CFP: variants seen among roughly 807,000 people sequenced by gnomAD.
CFP encodes the protein complement factor properdin.
Under a neutral mutation model 42.1 loss-of-function variants are expected in CFP, and 14 were observed. The ratio of observed to expected loss-of-function variants is 0.33; its 90% CI spans 0.22 to 0.52. The LOEUF is 0.52. Among genes scored for constraint, CFP ranks in the 20% least tolerant of loss-of-function variants. CFP has a pLI of 0.96. For missense variants in CFP, 318 were observed against 400.4 expected (o/e 0.79, Z 1.76); for synonymous variants, 149 against 160.6 (o/e 0.93, Z 0.54).
At chrX:47,627,982 TCTC>T (rs2057976261) in intron 3 of CFP, 117 bp downstream of exon 3, 2 of 880,970 alleles carry the variant, frequency 2.3e-6, no homozygotes. Context: ...CTCCCACCAC[TCTC>T]CTCCTTAGGT....
In CFP at chrX:47,626,414, G is replaced by T; in HGVS notation, c.1046C>A (p.Thr349Asn). 2 of 1,211,445 alleles carry T rather than the reference G, an allele frequency of 1.7e-6. No individual in the cohort carries two copies. Among genetic ancestry groups the T allele is most frequent in the Non-Finnish European group, 2.2e-6 (2 of 895,397 alleles). ...EIPGQQSRGR[T>N]CRGRKFDGHR... is the part of the protein sequence containing the mutation. ...TCCGTCAAACTTGCGGCCCCTGCAG[G>T]TCCTCCCGCGTGACTGCTGGCCCGG... Residue 349 changes from threonine (T) to asparagine (N), a missense_variant, in exon 7 of 9, where the codon ACC becomes AAC. Coordinates refer to ENST00000396992, the MANE Select transcript of CFP (RefSeq NM_001145252.3).
At position 47,626,392 on chromosome X, in the gene CFP, G is replaced by C. The variant is rs775387328; in HGVS notation, c.1068C>G (p.Asp356Glu). ...RGRTCRGRKF[D>E]GHRCAGQQQD... The stretch of plus-strand genomic sequence containing the variant: ...GCTGTTGCCCGGCACATCGATGTCC[G>C]TCAAACTTGCGGCCCCTGCAGGTCC... Residue 356 changes from aspartate (D) to glutamate (E), a missense_variant, in exon 7 of 9, where the codon GAC becomes GAG. Asp to Glu is a conservative substitution (Grantham distance 45, BLOSUM62 2). Transcript: ENST00000396992. 4 of 1,209,815 alleles carry C rather than the reference G, an allele frequency of 3.3e-6. No individual in the cohort carries two copies. The East Asian group carries it at 1.2e-4, about 36-fold the overall frequency.
At chrX:47,624,539 C>CTTTTT in intron 8 of CFP, 99 bp from the exon 9 acceptor site, 7 of 307,625 alleles carry the variant, frequency 2.3e-5, no homozygotes, top group Admixed American at 7.3e-5. Flanking sequence ...CCGAGGGCTA[C>CTTTTT]TTTTTTTTTT....
chrX:47,630,262 C>T (rs1428825736), upstream of CFP: 3 of 186,277 alleles, frequency 1.6e-5, no homozygotes, highest in Non-Finnish European at 3.0e-5. Context: ...CGGGGTCAAC[C>T]TCGTGGGGGT....
rs370014336 is a variant in CFP at position 47,624,311 on chromosome X, C to G, written c.1374G>C (p.Val458=). The change falls in exon 9 of 9, where the codon GTG becomes GTC. Residue 458 remains valine, a synonymous_variant. Transcript: ENST00000396992. ...VVEEKRPCLH[V]PACKDPEEEE... ...CTTCCTCAGGGTCTTTGCAAGCAGGCACGTGTAGACATGGTCGTTTCTCCT... is the reference window on the plus strand; with the variant it reads ...CTTCCTCAGGGTCTTTGCAAGCAGGGACGTGTAGACATGGTCGTTTCTCCT... 1 of 1,210,639 alleles carries G rather than the reference C, an allele frequency of 8.3e-7. No individual in the cohort carries two copies. The highest frequency in any genetic ancestry group is 3.0e-5 in the East Asian group (1 of 33,777).
intron 6 of CFP, 25 bp from the exon 7 acceptor site, chrX:47,626,544 T>C: frequency 1.7e-6 from 2 of 1,204,756 alleles, no homozygotes; most frequent in Non-Finnish European, 2.2e-6. Context: ...CAACAGGGGA[T>C]TGGACCAAAG....
At chrX:47,629,498 A>AAC in intron 2 of CFP, 26 bp downstream of exon 2, 1 of 270,854 alleles carries the variant, frequency 3.7e-6, no homozygotes, top group Non-Finnish European at 6.3e-6. Context: ...CCTCCCCCCC[A>AAC]TCCCCCACCC....
Position 47,628,053 on chromosome X carries a change from C to A in CFP, c.403+49G>T, listed in dbSNP as rs1224258082. 4 of 1,192,204 alleles carry A rather than the reference C, an allele frequency of 3.4e-6. No homozygotes were observed. The South Asian group carries it at 7.1e-5, about 21-fold the overall frequency. ...GGACCTCTGTACCGATCGTTCCCACCAGTGCTGGGTGACAGGGAGTGCTTG... is the reference window on the plus strand; with the variant it reads ...GGACCTCTGTACCGATCGTTCCCACAAGTGCTGGGTGACAGGGAGTGCTTG... On this transcript the variant is annotated intron_variant, in intron 3 of 8. Transcript: ENST00000396992.
chrX:47,624,218 G>T lies in CFP; in HGVS notation c.*57C>A. The T allele has an allele frequency of 8.6e-7, 1 of 1,158,288 alleles. No individual in the cohort carries two copies. The highest frequency in any genetic ancestry group is 1.8e-5 in the South Asian group (1 of 55,773). On this transcript the variant is annotated 3_prime_UTR_variant, in exon 9 of 9. Coordinates refer to ENST00000396992, the MANE Select transcript of CFP (RefSeq NM_001145252.3). Reference sequence around the variant, plus strand: ...TTAAGGAATCGTAGACGAACTCGAAGAGGCTAGTTTATTGAGGTTTGGAAG... The same window carrying T: ...TTAAGGAATCGTAGACGAACTCGAATAGGCTAGTTTATTGAGGTTTGGAAG...
At position 47,624,080 on chromosome X, in the gene CFP, GAAA is replaced by G. The variant is rs1172130610; in HGVS notation, c.*192_*194del. On this transcript the variant is annotated 3_prime_UTR_variant, in exon 9 of 9. Coordinates refer to ENST00000396992, the MANE Select transcript of CFP (RefSeq NM_001145252.3). Reference sequence around the variant, plus strand: ...CTCCTGCCAACCTGCGACCACAGTGGAAAATACTGTTTTCCGCAACAGGCTGCT... The same window carrying G: ...CTCCTGCCAACCTGCGACCACAGTGGATACTGTTTTCCGCAACAGGCTGCT... 1 of 464,326 alleles carries G rather than the reference GAAA, an allele frequency of 2.2e-6. No individual in the cohort carries two copies. Among genetic ancestry groups the G allele is most frequent in the Non-Finnish European group, 3.8e-6 (1 of 264,886 alleles). The allele number at this position is 464,326 out of a possible 1,213,427, so 38.3% of individuals were successfully genotyped here.
intron 2 of CFP, chrX:47,628,852 G>A (rs1291634396): frequency 5.2e-6 from 1 of 191,994 alleles, no homozygotes; most frequent in Non-Finnish European, 9.8e-6. Context: ...AACAGGTCTG[G>A]CATACGGTAA....
At chrX:47,629,486 T>TGCCGG in intron 2 of CFP, 38 bp downstream of exon 2, 6 of 669,641 alleles carry the variant, frequency 9.0e-6, no homozygotes, top group Non-Finnish European at 1.4e-5. Flanking sequence ...AGACAGTCCT[T>TGCCGG]CCCTCCCCCC....
Position 47,627,208 on chromosome X carries a change from A to T in CFP, c.699T>A (p.Pro233=), listed in dbSNP as rs777757134. Residue 233 remains proline (P), a synonymous_variant, in exon 5 of 9, where the codon CCT becomes CCA. Coordinates refer to ENST00000396992, the MANE Select transcript of CFP (RefSeq NM_001145252.3). ...CTAGCCCCGGGCAGGGCTTCCCAGGAGGTTTCTGGGAGGGCTCAGGTGCAG... is the reference window on the plus strand; with the variant it reads ...CTAGCCCCGGGCAGGGCTTCCCAGGTGGTTTCTGGGAGGGCTCAGGTGCAG... The part of the protein sequence containing the change: ...KCSAPEPSQK[P]PGKPCPGLAY... 13 of 1,211,388 alleles carry T rather than the reference A, an allele frequency of 1.1e-5. No individual in the cohort carries two copies. Among genetic ancestry groups the T allele is most frequent in the Non-Finnish European group, 1.1e-6 (1 of 895,299 alleles).
intron 5 of CFP, 54 bp downstream of exon 5, chrX:47,627,087 C>A (rs909523): frequency 0.25 from 302,008 of 1,188,514 alleles, 27,724 homozygotes; most frequent in African/African-American, 0.47. Flanking sequence ...CAGAGCATCT[C>A]TGCCCTCAAT....
chrX:47,626,619 G>T (rs768300105), intron 6 of CFP, 100 bp from the exon 7 acceptor site: 50 of 1,048,855 alleles, frequency 4.8e-5, no homozygotes, highest in East Asian at 3.8e-4. Flanking sequence ...GAGGTGATCA[G>T]ATGTGTGAAT....
intron 2 of CFP, 131 bp downstream of exon 2, chrX:47,629,393 T>C: frequency 2.0e-6 from 1 of 502,032 alleles, no homozygotes; most frequent in Non-Finnish European, 3.3e-6. Context: ...TGAGAAACCC[T>C]GAGGTATGGT....
At chrX:47,627,008 G>C (rs976648802) in intron 5 of CFP, 62 bp from the exon 6 acceptor site, 1 of 1,144,272 alleles carries the variant, frequency 8.7e-7, no homozygotes, top group African/African-American at 1.8e-5. Flanking sequence ...TCAGCCCCTA[G>C]ACCCTTGAAG....
chrX:47,628,123 C>T lies in CFP; in HGVS notation c.382G>A (p.Glu128Lys). 1 of 1,211,815 alleles carries T rather than the reference C, an allele frequency of 8.3e-7. No individual in the cohort carries two copies. Reference protein sequence around the residue: ...GTLEWQLQACEDQQCCPEMGG... With the variant: ...GTLEWQLQACKDQQCCPEMGG... The stretch of plus-strand genomic sequence containing the variant: ...TCACCAGGACAGCACTGCTGGTCCT[C>T]ACAGGCCTGGAGCTGCCACTCCAGG... Residue 128 changes from glutamate to lysine, a missense_variant, in exon 3 of 9, where the codon GAG (glutamate) becomes AAG (lysine). Coordinates refer to ENST00000396992, the MANE Select transcript of CFP (RefSeq NM_001145252.3).
chrX:47,627,750 C>T, intron 3 of CFP, 109 bp from the exon 4 acceptor site: 1 of 835,528 alleles, frequency 1.2e-6, no homozygotes, highest in Non-Finnish European at 1.7e-6. Context: ...TCCTCTGCCA[C>T]CATTCTGGGC....
Sources: gnomAD v4.1 joint callset for allele counts on GRCh38, gnomAD v4.1.1 for gene constraint, MANE v1.5 for transcripts, NCBI Gene and HGNC (gene_info 2026-07-23, HGNC 2026-07-21) for gene names.